Variants in FLYWCH1 observed in about 807,000 individuals in gnomAD.
FLYWCH1 encodes FLYWCH-type zinc finger 1, also known as FLYWCH-type zinc finger-containing protein 1.
A neutral mutation model predicts 66.4 loss-of-function variants in FLYWCH1; 75 were observed. The observed-to-expected ratio is 1.13, with a 90% CI of 0.94 to 1.37. The LOEUF (loss-of-function observed/expected upper bound fraction) is 1.37. FLYWCH1 is among the 40% of genes most tolerant of loss of function. FLYWCH1 has a pLI of 0.00. For missense variants in FLYWCH1, 1,334 were observed against 1,001.8 expected (o/e 1.33, Z -4.48); for synonymous variants, 595 against 429.9 (o/e 1.38, Z -4.75).
chr16:2,930,727 C>A lies in FLYWCH1; in HGVS notation c.643C>A (p.Pro215Thr). The change falls in exon 4 of 10, where the codon CCC becomes ACC. Residue 215 changes from proline to threonine, a missense_variant. Transcript: ENST00000253928. ...GGGCCCTGGAGGCCGAGTGGAGGAG[C>A]CCCTGGAGGGGGTGGGCCCGTGGCA... The part of the protein sequence containing the change: ...PEGPGGRVEE[P>T]LEGVGPWQCP... 1 of 1,550,556 alleles carries A rather than the reference C, an allele frequency of 6.4e-7. No individual in the cohort carries two copies. The highest frequency in any genetic ancestry group is 8.7e-7 in the Non-Finnish European group (1 of 1,151,990).
chr16:2,930,144 C>T (rs555937349), intron 3 of FLYWCH1, 134 bp downstream of exon 3: 13 of 824,194 alleles, frequency 1.6e-5, no homozygotes, highest in South Asian at 3.6e-5. Context: ...TGATCCTGAG[C>T]GTGTCCGAGG....
rs752274218 is a variant in FLYWCH1 at position 2,938,307 on chromosome 16, A to C, written c.1901A>C (p.Gln634Pro). 8 of 1,610,462 alleles carry C rather than the reference A, an allele frequency of 5.0e-6. No individual in the cohort carries two copies. Among genetic ancestry groups the C allele is most frequent in the Non-Finnish European group, 6.8e-6 (8 of 1,178,450 alleles). Residue 634 changes from glutamine to proline, a missense_variant, in exon 8 of 10, where the codon CAG becomes CCG. Transcript: ENST00000253928. ...GEKVYWMCRD[Q>P]ARLGCRSRAI... Reference sequence around the variant, plus strand: ...AAGGTGTACTGGATGTGCCGGGACCAGGCTCGGCTGGGCTGCCGCAGCCGC... The same window carrying C: ...AAGGTGTACTGGATGTGCCGGGACCCGGCTCGGCTGGGCTGCCGCAGCCGC...
chr16:2,912,660 G>C (rs1172119045), intron 1 of FLYWCH1, among the ~76,000 whole-genome samples: 1 of 152,188 alleles, frequency 6.6e-6, no homozygotes, highest in Non-Finnish European at 1.5e-5. Context: ...AGTTTAAAGG[G>C]AGACGCTTGT....
At position 2,949,592 on chromosome 16, in the gene FLYWCH1, A is replaced by G. The variant is rs548734243; in HGVS notation, c.*865A>G. On this transcript the variant is annotated 3_prime_UTR_variant, in exon 10 of 10. Coordinates refer to ENST00000253928, the MANE Select transcript of FLYWCH1 (RefSeq NM_001308068.2). ...CAGTCCGGAGAGGCAAGATGACCCC[A>G]CCGGGACTGCAGAGCCTCCTCCTTA... is the stretch of plus-strand genomic sequence containing the variant. 1 of 152,062 alleles carries G rather than the reference A, an allele frequency of 6.6e-6. No individual in the cohort carries two copies. Among genetic ancestry groups the G allele is most frequent in the Non-Finnish European group, 1.5e-5 (1 of 68,034 alleles). 9.4% of individuals were successfully genotyped at this position (152,062 alleles called of 1,614,324 possible).
In FLYWCH1 at chr16:2,938,255, T is replaced by C; in HGVS notation, c.1849T>C (p.Tyr617His). ...GTTCCTGGTGCACGAGTCCTTCCTC[T>C]ACAGGAAGGAGAAGGCGGCTGGGGA... ...GRFLVHESFLYRKEKAAGEKV... is the reference protein window; with the variant it reads ...GRFLVHESFLHRKEKAAGEKV... The change falls in exon 8 of 10, where the codon TAC (tyrosine) becomes CAC (histidine). Residue 617 changes from tyrosine to histidine, a missense_variant. By Grantham distance (83) the Tyr-to-His change is moderately conservative. Transcript: ENST00000253928. The C allele has an allele frequency of 6.2e-7, 1 of 1,613,208 alleles. No homozygotes were observed. The highest frequency in any genetic ancestry group is 8.5e-7 in the Non-Finnish European group (1 of 1,179,572).
chr16:2,933,021 T>C (rs567320349), intron 4 of FLYWCH1, 109 bp from the exon 5 acceptor site: 108 of 976,708 alleles, frequency 1.1e-4, no homozygotes, highest in Admixed American at 7.0e-4. Context: ...AGGGTAAATT[T>C]CAGCCTTAAA....
intron 6 of FLYWCH1, chr16:2,934,530 T>G (rs1596380819): frequency 4.8e-6 from 2 of 413,030 alleles, no homozygotes; most frequent in East Asian, 1.5e-4. Flanking sequence ...CAACCACAGT[T>G]GCGTAAATGT....
At chr16:2,943,572 A>G (rs1414492660) in intron 9 of FLYWCH1, 1 of 151,806 alleles carries the variant, frequency 6.6e-6, no homozygotes, top group Non-Finnish European at 1.5e-5. Flanking sequence ...ACACGCTTTC[A>G]TGATAAAAAC....
chr16:2,920,820 C>T (rs961479679), intron 2 of FLYWCH1, among the ~76,000 whole-genome samples: 6 of 143,984 alleles, frequency 4.2e-5, no homozygotes, highest in South Asian at 2.3e-4. Flanking sequence ...GGATTACAGG[C>T]GTGAGCCACA....
At chr16:2,916,193 A>G (rs1378574484) in intron 2 of FLYWCH1, among the ~76,000 whole-genome samples, 1 of 152,166 alleles carries the variant, frequency 6.6e-6, no homozygotes, top group Non-Finnish European at 1.5e-5. Flanking sequence ...CTAAAAACAA[A>G]AGTTAGCTGG....
At chr16:2,940,515 A>G (rs2071216355) in intron 9 of FLYWCH1, among the ~76,000 whole-genome samples, 1 of 152,224 alleles carries the variant, frequency 6.6e-6, no homozygotes, top group Non-Finnish European at 1.5e-5. Context: ...AGCTCACTGC[A>G]AACTCTACCT....
At chr16:2,939,906 T>G in intron 8 of FLYWCH1, 126 bp from the exon 9 acceptor site, 1 of 1,117,362 alleles carries the variant, frequency 8.9e-7, no homozygotes, top group Admixed American at 2.7e-5. Flanking sequence ...TTCCCAGCGT[T>G]GCTTCACCCG....
intron 2 of FLYWCH1, among the ~76,000 whole-genome samples, chr16:2,919,767 C>G (rs922732697): frequency 6.6e-6 from 1 of 152,106 alleles, no homozygotes; most frequent in Non-Finnish European, 1.5e-5. Flanking sequence ...GGAAAAATTT[C>G]CAAATTCTTG....
intron 4 of FLYWCH1, among the ~76,000 whole-genome samples, chr16:2,932,109 C>T (rs947140810): frequency 2.4e-5 from 3 of 125,934 alleles, no homozygotes; most frequent in African/African-American, 3.4e-5. Flanking sequence ...AAGAGCAAGA[C>T]TCTGTCTCAA....
Position 2,932,633 on chromosome 16 carries a change from T to C in FLYWCH1, c.797-497T>C, listed in dbSNP as rs116266999. 4.9e-3 allele frequency among the ~76,000 whole-genome samples: 744 copies of C among 152,276 alleles called. 9 individuals are homozygous for C. The highest frequency in any genetic ancestry group is 0.017 in the African/African-American group (710 of 41,550). On this transcript the variant is annotated intron_variant, in intron 4 of 9. Coordinates refer to ENST00000253928, the MANE Select transcript of FLYWCH1 (RefSeq NM_001308068.2). ...GAGGTGCAGGGAACAGGGAGACTTA[T>C]TTTTCACTGTGATCTTTTCGAACCA... is the stretch of plus-strand genomic sequence containing the variant.
At chr16:2,915,072 A>G (rs2070122583) in intron 2 of FLYWCH1, 1 of 151,008 alleles carries the variant, frequency 6.6e-6, no homozygotes. Flanking sequence ...ATTAAATGAG[A>G]TATTTATTGA....
chr16:2,937,403 G>C lies in FLYWCH1; in HGVS notation c.1777+19G>C. The C allele has an allele frequency of 6.6e-7, 1 of 1,517,054 alleles. No homozygotes were observed. Among genetic ancestry groups the C allele is most frequent in the East Asian group, 2.3e-5 (1 of 43,752 alleles). The allele number at this position is 1,517,054 out of a possible 1,614,324, so 94.0% of individuals were successfully genotyped here. ...AGCCCAGGTGCGTGTGGAGGGTGCT[G>C]GGCTGGGTCTGCCTGGTCTCCCAGG... On this transcript the variant is annotated intron_variant, in intron 7 of 9. Transcript: ENST00000253928.
chr16:2,933,473 C>T lies in FLYWCH1; in HGVS notation c.1140C>T (p.Pro380=), dbSNP rs765714208. 1 of 1,604,940 alleles carries T rather than the reference C, an allele frequency of 6.2e-7. No individual in the cohort carries two copies. ...TGCTCTACCGCAGGGGTCCGGGTCC[C>T]CTGACTCTCACCAGGCCTCGGCCCA... The part of the protein sequence containing the change: ...DSLLYRRGPG[P]LTLTRPRPRK... The change falls in exon 5 of 10, where the codon CCC becomes CCT. Residue 380 remains proline, a synonymous_variant. Transcript: ENST00000253928.
intron 2 of FLYWCH1, among the ~76,000 whole-genome samples, chr16:2,927,731 G>A (rs2070621886): frequency 1.3e-5 from 2 of 152,208 alleles, no homozygotes; most frequent in South Asian, 4.1e-4. Context: ...CCCACACTGG[G>A]CGCCAGGTGA....
Sources: gnomAD v4.1 joint callset for allele counts (sites outside exome capture counted in the v4.1 genomes callset) on GRCh38, gnomAD v4.1.1 for gene constraint, MANE v1.5 for transcripts, NCBI Gene and HGNC (gene_info 2026-07-23, HGNC 2026-07-21) for gene names.